FAT4: variants seen among roughly 807,000 people sequenced by gnomAD.
FAT4 encodes protocadherin Fat 4.
In FAT4, 84 loss-of-function variants were observed where a neutral mutation model predicts 303.9. That is an observed-to-expected ratio of 0.28 (90% CI 0.23 to 0.33). The LOEUF is 0.33. FAT4 is among the 10% of genes least tolerant of loss of function. FAT4 has a pLI of 1.00. For missense variants in FAT4, 6,005 were observed against 6,146.8 expected, an observed-to-expected ratio of 0.98 and a Z score of 0.77; for synonymous variants, 2,307 against 2,298.8, an observed-to-expected ratio of 1.00 and a Z score of -0.10.
intron 7 of FAT4, among the ~76,000 whole-genome samples, chr4:125,423,466 G>T (rs934571525): frequency 7.9e-5 from 12 of 152,204 alleles, no homozygotes; most frequent in Non-Finnish European, 1.8e-4. Flanking sequence ...TTTCCACATG[G>T]TGTTGAGCCT....
Position 125,468,773 on chromosome 4 carries a change from T to C in FAT4, c.12167T>C (p.Val4056Ala). The C allele has an allele frequency of 6.2e-7, 1 of 1,613,878 alleles. No homozygotes were observed. The highest frequency in any genetic ancestry group is 8.5e-7 in the Non-Finnish European group (1 of 1,179,812). ...TATAAGCTCACCACCATGAAGAAGG[T>C]GTCAGATGGACATTTTCACACTGTG... ...GTYKLTTMKK[V>A]SDGHFHTVIA... is the part of the protein sequence containing the mutation. Residue 4056 changes from valine (V) to alanine (A), a missense_variant, in exon 12 of 18, where the codon GTG (valine) becomes GCG (alanine). Val to Ala is a moderately conservative substitution (Grantham distance 64, BLOSUM62 0). Coordinates refer to ENST00000394329, the MANE Select transcript of FAT4 (RefSeq NM_001291303.3).
In FAT4 at chr4:125,451,392, C is replaced by G; in HGVS notation, c.10382C>G (p.Thr3461Arg). 2 of 1,614,146 alleles carry G rather than the reference C, an allele frequency of 1.2e-6. No individual in the cohort carries two copies. Among genetic ancestry groups the G allele is most frequent in the Non-Finnish European group, 1.7e-6 (2 of 1,180,026 alleles). The change falls in exon 10 of 18, where the codon ACA becomes AGA. Residue 3461 changes from threonine (T) to arginine (R), a missense_variant. By Grantham distance (71) the Thr-to-Arg change is moderately conservative. Coordinates refer to ENST00000394329, the MANE Select transcript of FAT4 (RefSeq NM_001291303.3). Reference protein sequence around the residue: ...ENGAFSINPQTGQITVTAELD... With the variant: ...ENGAFSINPQRGQITVTAELD... ...GGTGCCTTTTCTATTAATCCGCAGA[C>G]AGGACAGATCACCGTTACTGCAGAA...
chr4:125,349,600 A>G (rs1732143189), intron 2 of FAT4, among the ~76,000 whole-genome samples: 2 of 151,786 alleles, frequency 1.3e-5, no homozygotes, highest in Admixed American at 1.3e-4. Flanking sequence ...TAAGCAGCCA[A>G]ATAGCACAAG....
chr4:125,488,278 A>G (rs1338019057), intron 17 of FAT4, among the ~76,000 whole-genome samples: 1 of 152,236 alleles, frequency 6.6e-6, no homozygotes, highest in Non-Finnish European at 1.5e-5. Context: ...TGGAGAATGA[A>G]GCAACTTCCT....
At chr4:125,443,478 CAG>C (rs1725729089) in intron 8 of FAT4, among the ~76,000 whole-genome samples, 1 of 151,976 alleles carries the variant, frequency 6.6e-6, no homozygotes, top group Non-Finnish European at 1.5e-5. Flanking sequence ...GTCATAAAGA[CAG>C]AAATTCAAAC....
At chr4:125,440,241 G>C (rs1371515823) in intron 8 of FAT4, among the ~76,000 whole-genome samples, 1 of 151,670 alleles carries the variant, frequency 6.6e-6, no homozygotes, top group Non-Finnish European at 1.5e-5. Flanking sequence ...ATTCTTGAAA[G>C]CTTCACAACC....
At position 125,389,822 on chromosome 4, in the gene FAT4, T is replaced by C. The variant is rs556883669; in HGVS notation, c.5176-8962T>C. On this transcript the variant is annotated intron_variant, in intron 2 of 17. Coordinates refer to ENST00000394329, the MANE Select transcript of FAT4 (RefSeq NM_001291303.3). Reference sequence around the variant, plus strand: ...AAATAAATACTTAAAACCTTGTTCATAGAGATCAGGCCTTGCATACCTACA... The same window carrying C: ...AAATAAATACTTAAAACCTTGTTCACAGAGATCAGGCCTTGCATACCTACA... Among the ~76,000 whole-genome samples, 3 of 152,336 alleles carry C rather than the reference T, an allele frequency of 2.0e-5. No individual in the cohort carries two copies. The East Asian group carries it at 5.8e-4, about 29-fold the overall frequency.
chr4:125,483,939 T>A (rs1324927134), intron 16 of FAT4, among the ~76,000 whole-genome samples: 3 of 10,070 alleles, frequency 3.0e-4, no homozygotes, highest in East Asian at 6.8e-3. Context: ...GGGTTCCGTT[T>A]TTTTTTTTTT....
Position 125,492,005 on chromosome 4 carries a change from G to A in FAT4, c.*237G>A. 1 of 469,222 alleles carries A rather than the reference G, an allele frequency of 2.1e-6. No individual in the cohort carries two copies. Among genetic ancestry groups the A allele is most frequent in the Non-Finnish European group, 3.7e-6 (1 of 271,672 alleles). The allele number at this position is 469,222 out of a possible 1,614,324, so 29.1% of individuals were successfully genotyped here. On this transcript the variant is annotated 3_prime_UTR_variant, in exon 18 of 18. Transcript: ENST00000394329. ...TGCATTGTGTTTTGTAACTAGTTATGTGGCATGCAGCATTTGGAAAATTTT... is the reference window on the plus strand; with the variant it reads ...TGCATTGTGTTTTGTAACTAGTTATATGGCATGCAGCATTTGGAAAATTTT...
chr4:125,447,578 C>T (rs1725868828), intron 9 of FAT4, among the ~76,000 whole-genome samples: 1 of 152,100 alleles, frequency 6.6e-6, no homozygotes, highest in South Asian at 2.1e-4. Flanking sequence ...TATGCTTAAG[C>T]ATCTTTTCCT....
At chr4:125,415,867 C>G (rs1446795585) in intron 6 of FAT4, 61 bp downstream of exon 6, 6 of 1,288,604 alleles carry the variant, frequency 4.7e-6, no homozygotes, top group Non-Finnish European at 6.5e-6. Flanking sequence ...TTGAAAACCT[C>G]CCCTCTTCTA....
At chr4:125,482,090 A>G (rs1727251271) in intron 16 of FAT4, among the ~76,000 whole-genome samples, 1 of 152,216 alleles carries the variant, frequency 6.6e-6, no homozygotes, top group African/African-American at 2.4e-5. Context: ...TGTTTGTTTG[A>G]AATACAAAAA....
At chr4:125,392,219 AACACT>A (rs1173053640) in intron 2 of FAT4, among the ~76,000 whole-genome samples, 6 of 152,186 alleles carry the variant, frequency 3.9e-5, no homozygotes, top group Admixed American at 6.5e-5. Flanking sequence ...CTTTAGAGAT[AACACT>A]TGTGAACTCT....
At chr4:125,402,301 T>TTTACCTTA (rs1249321889) in intron 3 of FAT4, among the ~76,000 whole-genome samples, 10 of 151,958 alleles carry the variant, frequency 6.6e-5, no homozygotes, top group African/African-American at 2.4e-4. Context: ...AAGTACTTAC[T>TTTACCTTA]ATTTTCATGG....
chr4:125,378,138 T>C (rs1170287943), intron 2 of FAT4, among the ~76,000 whole-genome samples: 1 of 152,104 alleles, frequency 6.6e-6, no homozygotes, highest in Non-Finnish European at 1.5e-5. Flanking sequence ...TTATTGATTC[T>C]ATGTATGTAC....
intron 8 of FAT4, among the ~76,000 whole-genome samples, chr4:125,435,718 G>A (rs1393540465): frequency 6.6e-6 from 1 of 152,046 alleles, no homozygotes; most frequent in Non-Finnish European, 1.5e-5. Context: ...GGTAGGCAGG[G>A]GCTAAATCAT....
chr4:125,386,887 T>C (rs1733770680), intron 2 of FAT4, among the ~76,000 whole-genome samples: 1 of 152,110 alleles, frequency 6.6e-6, no homozygotes. Context: ...CAGGGACCAG[T>C]TTGGTGAAAG....
chr4:125,476,520 A>G (rs1727034077), intron 13 of FAT4, among the ~76,000 whole-genome samples: 1 of 152,188 alleles, frequency 6.6e-6, no homozygotes, highest in Non-Finnish European at 1.5e-5. Flanking sequence ...GATTCATGAA[A>G]TAATTGCATA....
intron 2 of FAT4, among the ~76,000 whole-genome samples, chr4:125,345,034 T>A (rs1444258627): frequency 6.6e-6 from 1 of 152,144 alleles, no homozygotes; most frequent in Non-Finnish European, 1.5e-5. Context: ...TTACCTAATT[T>A]AGAAGGTCCA....
Sources: allele counts gnomAD v4.1 joint callset (sites outside exome capture counted in the v4.1 genomes callset), GRCh38; gene constraint gnomAD v4.1.1; transcripts MANE v1.5; gene names NCBI Gene and HGNC (gene_info 2026-07-23, HGNC 2026-07-21).